NPBWR1: variants seen among roughly 807,000 people sequenced by gnomAD.
NPBWR1 encodes neuropeptides B and W receptor 1.
A neutral mutation model predicts 2.8 loss-of-function variants in NPBWR1; 4 were observed. The observed-to-expected ratio is 1.44, with a 90% CI of 0.71 to 3.29. The LOEUF (loss-of-function observed/expected upper bound fraction) is 3.29, where lower values mean the gene tolerates loss of function less well. NPBWR1 is among the 30% of genes most tolerant of loss of function. NPBWR1 has a pLI of 0.01. For missense variants in NPBWR1, 545 were observed against 462.5 expected (o/e 1.18, Z -1.64); for synonymous variants, 250 against 224.5 (o/e 1.11, Z -1.02).
rs776152273 is a variant in NPBWR1, at chr8:52,940,831, C to T, written c.924C>T (p.Ala308=). The T allele has an allele frequency of 2.5e-6, 4 of 1,613,774 alleles. No individual in the cohort carries two copies. The South Asian group carries it at 3.3e-5, about 13-fold the overall frequency. ...GCTGCCTCAACCCCTTCCTCTACGC[C>T]TTCCTGGACGCCAGCTTCCGCAGGA... ...ANSCLNPFLY[A]FLDASFRRNL... is the part of the protein sequence containing the mutation. The change falls in exon 2 of 2, where the codon GCC becomes GCT. Residue 308 remains alanine, a synonymous_variant. Transcript: ENST00000674939.
rs1324387328 is a variant in NPBWR1, at chr8:52,943,709, A to T, written c.*2815A>T. On this transcript the variant is annotated 3_prime_UTR_variant, in exon 2 of 2. Transcript: ENST00000674939. ...ATTGTAGAGGAGCTCAGTTTAAAAT[A>T]AAAGCTGAAACATTCTGTGTGATAA... 6.6e-6 allele frequency among the ~76,000 whole-genome samples: 1 copy of T among 152,250 alleles called. No homozygotes were observed. The highest frequency in any genetic ancestry group is 1.9e-4 in the East Asian group (1 of 5,200).
rs924434269 is a variant in NPBWR1, at chr8:52,942,248, G to A, written c.*1354G>A. On this transcript the variant is annotated 3_prime_UTR_variant, in exon 2 of 2. Coordinates refer to ENST00000674939, the MANE Select transcript of NPBWR1 (RefSeq NM_005285.5). Reference sequence around the variant, plus strand: ...AGACGGCATCCGGTAGGTAGTCCCGGTAAACCGGGTAAATACTGGTCCTGG... The same window carrying A: ...AGACGGCATCCGGTAGGTAGTCCCGATAAACCGGGTAAATACTGGTCCTGG... 2.0e-5 allele frequency among the ~76,000 whole-genome samples: 3 copies of A among 152,208 alleles called. No individual in the cohort carries two copies. Among genetic ancestry groups the A allele is most frequent in the Admixed American group, 6.5e-5 (1 of 15,284 alleles).
Position 52,940,055 on chromosome 8 carries a change from G to T in NPBWR1, c.148G>T (p.Val50Leu). ...AGTTGTCTACGCGGTGATCTGCGCC[G>T]TGGGTCTGGCGGGCAACTCCGCCGT... ...VPVVYAVICA[V>L]GLAGNSAVLY... The change falls in exon 2 of 2, where the codon GTG becomes TTG. Residue 50 changes from valine to leucine, a missense_variant. Coordinates refer to ENST00000674939, the MANE Select transcript of NPBWR1 (RefSeq NM_005285.5). The T allele has an allele frequency of 6.2e-7, 1 of 1,608,986 alleles. No homozygotes were observed.
rs1365322278 is a variant in NPBWR1 at position 52,939,210 on chromosome 8, G to A, written c.-354G>A. 1 of 152,100 alleles carries A rather than the reference G, an allele frequency of 6.6e-6. No homozygotes were observed. Among genetic ancestry groups the A allele is most frequent in the African/African-American group, 2.4e-5 (1 of 41,432 alleles). 9.4% of individuals were successfully genotyped at this position (152,100 alleles called of 1,614,324 possible). A position where few individuals can be genotyped will look rare whatever the true frequency, so the allele number is the denominator to read the frequency against. On this transcript the variant is annotated 5_prime_UTR_variant, in exon 1 of 2. Transcript: ENST00000674939. ...CCTGCACTTCCAGGCGCGCGGGAGG[G>A]ACCGGCGGGGACGCGAGCTGCGGAC...
rs1860200162 is a variant in NPBWR1, at chr8:52,941,415, C to T, written c.*521C>T. ...CTCTGGGAAGACGGTCAGGCGCGCG[C>T]GTTTGGCGCCCACCCCTGTGAGACC... On this transcript the variant is annotated 3_prime_UTR_variant, in exon 2 of 2. Coordinates refer to ENST00000674939, the MANE Select transcript of NPBWR1 (RefSeq NM_005285.5). 6.6e-6 allele frequency among the ~76,000 whole-genome samples: 1 copy of T among 152,178 alleles called. No homozygotes were observed. Among genetic ancestry groups the T allele is most frequent in the Non-Finnish European group, 1.5e-5 (1 of 68,030 alleles).
At position 52,942,779 on chromosome 8, in the gene NPBWR1, T is replaced by G. The variant is rs1472308591; in HGVS notation, c.*1885T>G. Among the ~76,000 whole-genome samples the G allele has an allele frequency of 6.6e-6, 1 of 152,178 alleles. No homozygotes were observed. Among genetic ancestry groups the G allele is most frequent in the African/African-American group, 2.4e-5 (1 of 41,438 alleles). ...AAAATATACATTAAAAAACCTTCTG[T>G]CTTGGGTGGCAAATAATAGTAAATT... On this transcript the variant is annotated 3_prime_UTR_variant, in exon 2 of 2. Coordinates refer to ENST00000674939, the MANE Select transcript of NPBWR1 (RefSeq NM_005285.5).
chr8:52,939,950 T>C lies in NPBWR1; in HGVS notation c.43T>C (p.Ser15Pro). The C allele has an allele frequency of 6.3e-7, 1 of 1,577,402 alleles. No homozygotes were observed. Among genetic ancestry groups the C allele is most frequent in the Non-Finnish European group, 8.6e-7 (1 of 1,168,174 alleles). The change falls in exon 2 of 2, where the codon TCG (serine) becomes CCG (proline). Residue 15 changes from serine to proline, a missense_variant. Coordinates refer to ENST00000674939, the MANE Select transcript of NPBWR1 (RefSeq NM_005285.5). ...SFSEPWPANA[S>P]GPDPALSCSN... ...CTCGGAGCCCTGGCCCGCCAACGCA[T>C]CGGGCCCGGACCCGGCGCTGAGCTG...
chr8:52,939,917 G>A lies in NPBWR1; in HGVS notation c.10G>A (p.Ala4Thr), dbSNP rs767909347. 1 of 1,546,636 alleles carries A rather than the reference G, an allele frequency of 6.5e-7. No individual in the cohort carries two copies. Among genetic ancestry groups the A allele is most frequent in the South Asian group, 1.2e-5 (1 of 81,866 alleles). ...CTCTGCCCTCGTTGAGATGGACAAC[G>A]CCTCGTTCTCGGAGCCCTGGCCCGC... MDN[A>T]SFSEPWPANA... The change falls in exon 2 of 2, where the codon GCC becomes ACC. Residue 4 changes from alanine (A) to threonine (T), a missense_variant. Coordinates refer to ENST00000674939, the MANE Select transcript of NPBWR1 (RefSeq NM_005285.5).
At position 52,942,378 on chromosome 8, in the gene NPBWR1, C is replaced by T. The variant is rs887003700; in HGVS notation, c.*1484C>T. ...ACTGGCATTGGGTTTGCCCAATCCT[C>T]TGCAGTTTAGCCTTAGACATGAGGG... is the stretch of plus-strand genomic sequence containing the variant. On this transcript the variant is annotated 3_prime_UTR_variant, in exon 2 of 2. Coordinates refer to ENST00000674939, the MANE Select transcript of NPBWR1 (RefSeq NM_005285.5). Among the ~76,000 whole-genome samples the T allele has an allele frequency of 6.6e-6, 1 of 152,220 alleles. No individual in the cohort carries two copies. The highest frequency in any genetic ancestry group is 1.5e-5 in the Non-Finnish European group (1 of 68,040).
chr8:52,940,329 CT>C lies in NPBWR1; in HGVS notation c.423del (p.Ala142ArgfsTer17). 1.2e-6 allele frequency: 2 copies of C among 1,611,518 alleles called. No individual in the cohort carries two copies. Among genetic ancestry groups the C allele is most frequent in the Non-Finnish European group, 1.7e-6 (2 of 1,179,876 alleles). ...SADRYLVVLATAESRRVAGRT... is the reference protein window; with the variant it reads ...SADRYLVVLAXAESRRVAGRT... Reference sequence around the variant, plus strand: ...GACCGCTACCTGGTGGTGTTGGCCACTGCGGAGTCGCGCCGGGTGGCCGGCC... The same window carrying C: ...GACCGCTACCTGGTGGTGTTGGCCACGCGGAGTCGCGCCGGGTGGCCGGCC... On this transcript the variant is annotated frameshift_variant, in exon 2 of 2. Transcript: ENST00000674939. LOFTEE classifies it low-confidence loss of function (END_TRUNC).
chr8:52,942,810 A>G lies in NPBWR1; in HGVS notation c.*1916A>G, dbSNP rs1802905616. On this transcript the variant is annotated 3_prime_UTR_variant, in exon 2 of 2. Transcript: ENST00000674939. The stretch of plus-strand genomic sequence containing the variant: ...GTGGCAAATAATAGTAAATTGTTTA[A>G]AAGAAAGTTTTCATCTACAATGAGT... 6.6e-6 allele frequency among the ~76,000 whole-genome samples: 1 copy of G among 152,214 alleles called. No homozygotes were observed. Among genetic ancestry groups the G allele is most frequent in the African/African-American group, 2.4e-5 (1 of 41,460 alleles).
chr8:52,940,193 G>A lies in NPBWR1; in HGVS notation c.286G>A (p.Asp96Asn), dbSNP rs1344544742. The change falls in exon 2 of 2, where the codon GAC becomes AAC. Residue 96 changes from aspartate to asparagine, a missense_variant. Coordinates refer to ENST00000674939, the MANE Select transcript of NPBWR1 (RefSeq NM_005285.5). ...FTLVLPINIA[D>N]FLLRQWPFGE... Reference sequence around the variant, plus strand: ...GCTGGTGCTGCCCATCAACATCGCCGACTTCCTGCTGCGGCAGTGGCCCTT... The same window carrying A: ...GCTGGTGCTGCCCATCAACATCGCCAACTTCCTGCTGCGGCAGTGGCCCTT... The A allele has an allele frequency of 6.2e-7, 1 of 1,613,748 alleles. No homozygotes were observed. Among genetic ancestry groups the A allele is most frequent in the South Asian group, 1.1e-5 (1 of 91,066 alleles).
Position 52,941,981 on chromosome 8 carries a change from G to C in NPBWR1, c.*1087G>C, listed in dbSNP as rs1414559419. ...CAGTTTGTTGTAACTGTTCATGTGTGTACTGTTTTTCAGGACTGAAAACTT... is the reference window on the plus strand; with the variant it reads ...CAGTTTGTTGTAACTGTTCATGTGTCTACTGTTTTTCAGGACTGAAAACTT... On this transcript the variant is annotated 3_prime_UTR_variant, in exon 2 of 2. Transcript: ENST00000674939. Among the ~76,000 whole-genome samples, 1 of 152,058 alleles carries C rather than the reference G, an allele frequency of 6.6e-6. No individual in the cohort carries two copies. The highest frequency in any genetic ancestry group is 1.5e-5 in the Non-Finnish European group (1 of 68,024).
Position 52,939,867 on chromosome 8 carries a change from T to G in NPBWR1, c.-41T>G, listed in dbSNP as rs948695910. 1.3e-6 allele frequency: 2 copies of G among 1,484,680 alleles called. No individual in the cohort carries two copies. The highest frequency in any genetic ancestry group is 1.4e-5 in the African/African-American group (1 of 71,356). The allele number at this position is 1,484,680 out of a possible 1,614,324, so 92.0% of individuals were successfully genotyped here. Reference sequence around the variant, plus strand: ...GACCGCTGAGCTCCGTAGGGCGTCCTTGGGGGACGCCAGGTCGCCGGCTCC... The same window carrying G: ...GACCGCTGAGCTCCGTAGGGCGTCCGTGGGGGACGCCAGGTCGCCGGCTCC... On this transcript the variant is annotated 5_prime_UTR_variant, in exon 2 of 2. Transcript: ENST00000674939.
rs745379415 is a variant in NPBWR1 at position 52,941,866 on chromosome 8, G to T, written c.*972G>T. Among the ~76,000 whole-genome samples, 5 of 152,204 alleles carry T rather than the reference G, an allele frequency of 3.3e-5. No individual in the cohort carries two copies. Among genetic ancestry groups the T allele is most frequent in the Non-Finnish European group, 7.3e-5 (5 of 68,032 alleles). The stretch of plus-strand genomic sequence containing the variant: ...ACTCCGGCTGAGCGCGCTTCACAGC[G>T]CTGTGGCACACTGGTCATCGTTGCT... On this transcript the variant is annotated 3_prime_UTR_variant, in exon 2 of 2. Transcript: ENST00000674939.
chr8:52,940,147 C>T lies in NPBWR1; in HGVS notation c.240C>T (p.Ala80=), dbSNP rs1306018066. Reference sequence around the variant, plus strand: ...CCAACCTGTTCATCCTCAACCTGGCCATCGCCGACGAGCTCTTCACGCTGG... The same window carrying T: ...CCAACCTGTTCATCCTCAACCTGGCTATCGCCGACGAGCTCTTCACGCTGG... ...TVTNLFILNL[A]IADELFTLVL... The change falls in exon 2 of 2, where the codon GCC becomes GCT. Residue 80 remains alanine (A), a synonymous_variant. Coordinates refer to ENST00000674939, the MANE Select transcript of NPBWR1 (RefSeq NM_005285.5). The T allele has an allele frequency of 6.2e-7, 1 of 1,613,536 alleles. No homozygotes were observed. The highest frequency in any genetic ancestry group is 1.1e-5 in the South Asian group (1 of 91,080).
At position 52,940,709 on chromosome 8, in the gene NPBWR1, C is replaced by G; in HGVS notation, c.802C>G (p.His268Asp). ...GTGCCTCCTCTGCTGGACGCCCTAC[C>G]ACCTGAGCACCGTGGTGGCGCTCAC... Reference protein sequence around the residue: ...AVCLLCWTPYHLSTVVALTTD... With the variant: ...AVCLLCWTPYDLSTVVALTTD... Residue 268 changes from histidine to aspartate, a missense_variant, in exon 2 of 2, where the codon CAC becomes GAC. Transcript: ENST00000674939. 1 of 1,613,472 alleles carries G rather than the reference C, an allele frequency of 6.2e-7. No individual in the cohort carries two copies. The highest frequency in any genetic ancestry group is 1.7e-5 in the Admixed American group (1 of 60,030).
At position 52,939,873 on chromosome 8, in the gene NPBWR1, G is replaced by T. The variant is rs979464853; in HGVS notation, c.-35G>T. The T allele has an allele frequency of 5.4e-6, 8 of 1,489,830 alleles. No homozygotes were observed. Among genetic ancestry groups the T allele is most frequent in the Non-Finnish European group, 7.1e-6 (8 of 1,129,934 alleles). The allele number at this position is 1,489,830 out of a possible 1,614,324, so 92.3% of individuals were successfully genotyped here. ...TGAGCTCCGTAGGGCGTCCTTGGGG[G>T]ACGCCAGGTCGCCGGCTCCTCTGCC... On this transcript the variant is annotated 5_prime_UTR_variant, in exon 2 of 2. Transcript: ENST00000674939.
intron 1 of NPBWR1, 86 bp from the exon 2 acceptor site, chr8:52,939,625 G>C (rs111543926): frequency 2.5e-6 from 1 of 400,482 alleles, no homozygotes; most frequent in South Asian, 8.8e-5. Context: ...GCGCCGCGGC[G>C]CCACCCCCAC....
Sources: gnomAD v4.1 joint callset for allele counts (sites outside exome capture counted in the v4.1 genomes callset) on GRCh38, gnomAD v4.1.1 for gene constraint, MANE v1.5 for transcripts, NCBI Gene and HGNC (gene_info 2026-07-23, HGNC 2026-07-21) for gene names.